PARD3B: variants seen among roughly 807,000 people sequenced by gnomAD.
PARD3B encodes partitioning defective 3 homolog B.
A neutral mutation model predicts 130.2 loss-of-function variants in PARD3B; 103 were observed. The ratio of observed to expected loss-of-function variants is 0.79; its 90% CI spans 0.67 to 0.93. PARD3B has a LOEUF of 0.93. Ranked by LOEUF, PARD3B falls within the 40% of genes least tolerant of loss-of-function variation. PARD3B has a pLI of 0.00. For synonymous variants in PARD3B, 583 were observed against 553.2 expected, an observed-to-expected ratio of 1.05 and a Z score of -0.76; for missense variants, 1,609 against 1,499.2, an observed-to-expected ratio of 1.07 and a Z score of -1.21.
chr2:204,971,914 C>A (rs561516947), intron 3 of PARD3B, among the ~76,000 whole-genome samples: 3 of 150,834 alleles, frequency 2.0e-5, no homozygotes, highest in South Asian at 4.2e-4. Flanking sequence ...TCAAGCAGTC[C>A]TCTTCCTCAG....
chr2:205,516,177 A>G (rs932516254), intron 21 of PARD3B, among the ~76,000 whole-genome samples: 2 of 152,096 alleles, frequency 1.3e-5, no homozygotes, highest in Non-Finnish European at 2.9e-5. Context: ...TACCAGTACC[A>G]TGCTGTTTTG....
chr2:204,700,666 T>C lies in PARD3B; in HGVS notation c.222+14384T>C, dbSNP rs1574745234. The stretch of plus-strand genomic sequence containing the variant: ...CTTCCCATCATTTACTTTGGGGCAA[T>C]GCCAGTGTCTTGATTATAGTGTTTG... On this transcript the variant is annotated intron_variant, in intron 2 of 22. Transcript: ENST00000406610. Among the ~76,000 whole-genome samples the C allele has an allele frequency of 1.3e-5, 2 of 152,222 alleles. 1 individual carries two copies. Among genetic ancestry groups the C allele is most frequent in the African/African-American group, 4.8e-5 (2 of 41,578 alleles).
chr2:204,820,828 CAA>C (rs1353866881), intron 2 of PARD3B, among the ~76,000 whole-genome samples: 6 of 2,026 alleles, frequency 3.0e-3, no homozygotes, highest in East Asian at 0.071. Context: ...AAAACAAAAA[CAA>C]AAACAAACAA....
At chr2:204,920,954 C>T (rs867781422) in intron 2 of PARD3B, among the ~76,000 whole-genome samples, 1 of 152,322 alleles carries the variant, frequency 6.6e-6, no homozygotes, top group Middle Eastern at 3.4e-3. Context: ...TATATGTCCA[C>T]TCACTCACTT....
chr2:205,057,401 T>C lies in PARD3B; in HGVS notation c.504+9711T>C, dbSNP rs1422629972. 9.5e-5 allele frequency among the ~76,000 whole-genome samples: 13 copies of C among 136,696 alleles called. 1 individual carries two copies. The highest frequency in any genetic ancestry group is 3.4e-4 in the African/African-American group (13 of 37,930). 89.7% of individuals were successfully genotyped at this position (136,696 alleles called of 152,430 possible). Reference sequence around the variant, plus strand: ...ACATATACATATATACATGTATATGTGTTATATACATATACATATATACAT... The same window carrying C: ...ACATATACATATATACATGTATATGCGTTATATACATATACATATATACAT... On this transcript the variant is annotated intron_variant, in intron 4 of 22. Coordinates refer to ENST00000406610, the MANE Select transcript of PARD3B (RefSeq NM_001302769.2).
At chr2:205,266,002 A>G (rs1056575154) in intron 16 of PARD3B, among the ~76,000 whole-genome samples, 2 of 152,118 alleles carry the variant, frequency 1.3e-5, no homozygotes, top group Non-Finnish European at 2.9e-5. Context: ...CATTAGAAAC[A>G]TCATACTAAA....
intron 3 of PARD3B, among the ~76,000 whole-genome samples, chr2:204,989,935 T>G (rs562980994): frequency 6.6e-6 from 1 of 152,250 alleles, no homozygotes; most frequent in East Asian, 1.9e-4. Flanking sequence ...TCTAGGTAAA[T>G]ATACTTAGAA....
chr2:205,324,849 C>A lies in PARD3B; in HGVS notation c.2630+23148C>A, dbSNP rs1361076916. On this transcript the variant is annotated intron_variant, in intron 18 of 22. Coordinates refer to ENST00000406610, the MANE Select transcript of PARD3B (RefSeq NM_001302769.2). ...TACATGATGCTTACTAAACGGTTTT[C>A]CCAGATGGTCCGTAGGTACCCCAAA... Among the ~76,000 whole-genome samples, 5 of 152,118 alleles carry A rather than the reference C, an allele frequency of 3.3e-5. No individual in the cohort carries two copies. The South Asian group carries it at 1.0e-3, about 32-fold the overall frequency.
chr2:205,125,584 C>T lies in PARD3B; in HGVS notation c.1306-25C>T. 1 of 1,610,340 alleles carries T rather than the reference C, an allele frequency of 6.2e-7. No homozygotes were observed. The highest frequency in any genetic ancestry group is 8.5e-7 in the Non-Finnish European group (1 of 1,177,942). ...GAGATAACAAGTATTGTGATTGTGGCTGTTCATATGCTTTTATTCATTAGG... is the reference window on the plus strand; with the variant it reads ...GAGATAACAAGTATTGTGATTGTGGTTGTTCATATGCTTTTATTCATTAGG... On this transcript the variant is annotated intron_variant, in intron 9 of 22. Transcript: ENST00000406610. The surrounding 1 kb of genome is among the most constrained non-coding windows in gnomAD (Gnocchi z 4.0).
At chr2:205,514,214 G>C (rs1326700524) in intron 21 of PARD3B, among the ~76,000 whole-genome samples, 1 of 151,986 alleles carries the variant, frequency 6.6e-6, no homozygotes, top group Non-Finnish European at 1.5e-5. Context: ...TCAATTAGTT[G>C]GTCACTCTTA....
In PARD3B at chr2:205,470,928, A is replaced by C. The variant is rs1051314303; in HGVS notation, c.3045-28968A>C. ...TTTTCAAGTGTTTCACGTGTGTTTCAAGTTTAAAACAAAGTGAGTTTTCAA... is the reference window on the plus strand; with the variant it reads ...TTTTCAAGTGTTTCACGTGTGTTTCCAGTTTAAAACAAAGTGAGTTTTCAA... On this transcript the variant is annotated intron_variant, in intron 20 of 22. Transcript: ENST00000406610. The surrounding 1 kb of genome is among the most constrained non-coding windows in gnomAD (Gnocchi z 4.8). 9.9e-5 allele frequency among the ~76,000 whole-genome samples: 15 copies of C among 152,224 alleles called. No individual in the cohort carries two copies. The highest frequency in any genetic ancestry group is 2.1e-4 in the Non-Finnish European group (14 of 68,044).
intron 1 of PARD3B, among the ~76,000 whole-genome samples, chr2:204,643,133 A>AAAAAAAAAG (rs2035149338): frequency 2.0e-5 from 3 of 146,944 alleles, no homozygotes; most frequent in African/African-American, 7.4e-5. Flanking sequence ...AAAAAAAAAA[A>AAAAAAAAAG]AAATGTTTGG....
At chr2:204,835,645 A>G (rs939498110) in intron 2 of PARD3B, among the ~76,000 whole-genome samples, 1 of 152,312 alleles carries the variant, frequency 6.6e-6, no homozygotes, top group South Asian at 2.1e-4. Flanking sequence ...ATGGTCCCCA[A>G]CTTAAAATGG....
intron 22 of PARD3B, among the ~76,000 whole-genome samples, chr2:205,612,632 T>A (rs914150937): frequency 1.1e-4 from 16 of 152,160 alleles, no homozygotes; most frequent in African/African-American, 3.6e-4. Context: ...AGTGTTTTAG[T>A]AGGCCAACTC....
At chr2:204,741,486 T>G (rs982293003) in intron 2 of PARD3B, among the ~76,000 whole-genome samples, 1 of 152,142 alleles carries the variant, frequency 6.6e-6, no homozygotes, top group African/African-American at 2.4e-5. Flanking sequence ...CCCATCATGA[T>G]ATGGTCTTAG....
chr2:205,601,386 T>A (rs1559258691), intron 22 of PARD3B, among the ~76,000 whole-genome samples: 1 of 152,220 alleles, frequency 6.6e-6, no homozygotes, highest in Non-Finnish European at 1.5e-5. Context: ...TCCTTATAGA[T>A]TCTGGATATT....
In PARD3B at chr2:205,599,822, G is replaced by C. The variant is rs568532972; in HGVS notation, c.3261-15634G>C. Among the ~76,000 whole-genome samples, 4 of 152,148 alleles carry C rather than the reference G, an allele frequency of 2.6e-5. No homozygotes were observed. In the East Asian group the frequency reaches 7.7e-4, roughly 29 times the overall value. On this transcript the variant is annotated intron_variant, in intron 22 of 22. Transcript: ENST00000406610. ...GGTCAAAGCTTTCTCTCTTGCACAT[G>C]CCTGGGCTGCCCGACTTACAGTTTT...
intron 10 of PARD3B, among the ~76,000 whole-genome samples, chr2:205,155,934 A>G (rs575652586): frequency 1.4e-3 from 206 of 152,242 alleles, no homozygotes; most frequent in African/African-American, 4.7e-3. Flanking sequence ...AGGACTATAA[A>G]TCATGCTGCT....
chr2:204,691,465 T>TGG (rs2037349269), intron 2 of PARD3B, among the ~76,000 whole-genome samples: 1 of 152,090 alleles, frequency 6.6e-6, no homozygotes, highest in Non-Finnish European at 1.5e-5. Flanking sequence ...TCACATGTGA[T>TGG]ATCTGGTATT....
Sources: allele counts gnomAD v4.1 joint callset (sites outside exome capture counted in the v4.1 genomes callset), GRCh38; gene constraint gnomAD v4.1.1; non-coding constraint Gnocchi (gnomAD v3.1); transcripts MANE v1.5; gene names NCBI Gene and HGNC (gene_info 2026-07-23, HGNC 2026-07-21).